SLC38A6: variants seen among roughly 807,000 people sequenced by gnomAD.
SLC38A6 encodes the protein solute carrier family 38 member 6, also known as N system amino acid transporter NAT-1.
Under a neutral mutation model 65.0 loss-of-function variants are expected in SLC38A6, and 73 were observed. The ratio of observed to expected loss-of-function variants is 1.12; its 90% CI spans 0.93 to 1.37. The LOEUF (loss-of-function observed/expected upper bound fraction) is 1.37. SLC38A6 is among the 40% of genes most tolerant of loss of function. SLC38A6 has a pLI of 0.00. For missense variants in SLC38A6, 561 were observed against 531.1 expected (o/e 1.06, Z -0.55); for synonymous variants, 183 against 178.8 (o/e 1.02, Z -0.19).
At position 61,043,218 on chromosome 14, in the gene SLC38A6, A is replaced by G. The variant is rs751291664; in HGVS notation, c.690+6A>G. 2.1e-6 allele frequency: 3 copies of G among 1,455,096 alleles called. No homozygotes were observed. The highest frequency in any genetic ancestry group is 2.8e-6 in the Non-Finnish European group (3 of 1,062,670). 90.1% of individuals were successfully genotyped at this position (1,455,096 alleles called of 1,614,324 possible). A position where few individuals can be genotyped will look rare whatever the true frequency, so the allele number is the denominator to read the frequency against. On this transcript the variant is annotated splice_donor_region_variant and intron_variant, in intron 9 of 15. Coordinates refer to ENST00000267488, the MANE Select transcript of SLC38A6 (RefSeq NM_153811.3). ...ATGTAGAGAAAGGTTTCCAGGTAATAGCTTATATTTTCTTTTCAGTTTCTT... is the reference window on the plus strand; with the variant it reads ...ATGTAGAGAAAGGTTTCCAGGTAATGGCTTATATTTTCTTTTCAGTTTCTT...
chr14:61,048,500 T>C (rs1594744612), intron 12 of SLC38A6, among the ~76,000 whole-genome samples: 1 of 152,154 alleles, frequency 6.6e-6, no homozygotes, highest in South Asian at 2.1e-4. Context: ...CACCACTCTA[T>C]CCCTCACATA....
rs1483677070 is a variant in SLC38A6 at position 61,070,910 on chromosome 14, AGTT to A, written c.1291-7894_1291-7892del. ...TTAAAATTTAATTTTTTTGTTACTG[AGTT>A]GTTGTAGTTCCTTCTATATTTTGTA... On this transcript the variant is annotated intron_variant, in intron 15 of 16. Transcript: ENST00000354886. 2.0e-4 allele frequency among the ~76,000 whole-genome samples: 30 copies of A among 151,988 alleles called. 1 individual carries two copies. The highest frequency in any genetic ancestry group is 6.8e-3 in the Middle Eastern group (2 of 294).
chr14:61,006,987 G>T (rs1044358133), intron 3 of SLC38A6, among the ~76,000 whole-genome samples: 3 of 152,150 alleles, frequency 2.0e-5, no homozygotes, highest in African/African-American at 7.2e-5. Context: ...GGAATACTAT[G>T]CAGCCATAAA....
chr14:61,046,273 C>A, intron 12 of SLC38A6, 106 bp downstream of exon 12: 1 of 694,088 alleles, frequency 1.4e-6, no homozygotes, highest in Non-Finnish European at 2.4e-6. Context: ...TTAATTTGCT[C>A]AGATCACCAA....
Position 61,030,533 on chromosome 14 carries a change from A to T in SLC38A6, c.482+10A>T. The T allele has an allele frequency of 6.4e-7, 1 of 1,568,282 alleles. No homozygotes were observed. The highest frequency in any genetic ancestry group is 8.7e-7 in the Non-Finnish European group (1 of 1,143,524). On this transcript the variant is annotated intron_variant, in intron 6 of 15. Transcript: ENST00000267488. ...CTGGAGACTATAGTAGGTAAGAAAAAGTATTTTACATTGTGTCCGTTCATG... is the reference window on the plus strand; with the variant it reads ...CTGGAGACTATAGTAGGTAAGAAAATGTATTTTACATTGTGTCCGTTCATG...
chr14:61,075,467 A>T (rs2043367785), intron 15 of SLC38A6, among the ~76,000 whole-genome samples: 1 of 152,168 alleles, frequency 6.6e-6, no homozygotes, highest in South Asian at 2.1e-4. Context: ...CGATCCTCAT[A>T]TGAGGGATGT....
intron 3 of SLC38A6, among the ~76,000 whole-genome samples, chr14:60,988,546 A>C (rs998576848): frequency 6.6e-6 from 1 of 152,080 alleles, no homozygotes; most frequent in Non-Finnish European, 1.5e-5. Context: ...ATTTTCTCCT[A>C]TGGTCATACC....
intron 4 of SLC38A6, among the ~76,000 whole-genome samples, 200 bp downstream of exon 4, chr14:61,016,156 A>G (rs2039996710): frequency 6.6e-6 from 1 of 152,218 alleles, no homozygotes; most frequent in African/African-American, 2.4e-5. Context: ...CAATACATTT[A>G]ATTCAATGCT....
chr14:61,054,025 T>C (rs752500105), downstream of SLC38A6, among the ~76,000 whole-genome samples: 10 of 152,182 alleles, frequency 6.6e-5, no homozygotes, highest in Non-Finnish European at 1.2e-4. Flanking sequence ...TTTAAGTCTT[T>C]AATCCATCTT....
At chr14:61,024,571 A>G (rs902750630) in intron 5 of SLC38A6, among the ~76,000 whole-genome samples, 4 of 152,256 alleles carry the variant, frequency 2.6e-5, no homozygotes. Context: ...ATAAAAGATT[A>G]ATAACTGTAG....
At chr14:61,016,887 C>G (rs1195348189) in intron 4 of SLC38A6, among the ~76,000 whole-genome samples, 1 of 152,152 alleles carries the variant, frequency 6.6e-6, no homozygotes, top group Non-Finnish European at 1.5e-5. Flanking sequence ...CATTACTTCA[C>G]ATACTTACCA....
intron 15 of SLC38A6, among the ~76,000 whole-genome samples, chr14:61,075,349 G>A (rs2043363885): frequency 6.6e-6 from 1 of 152,128 alleles, no homozygotes; most frequent in Admixed American, 6.5e-5. Flanking sequence ...CTATCCAGGT[G>A]ATCCAGAAAC....
chr14:60,987,961 A>G (rs2037577835), intron 3 of SLC38A6, among the ~76,000 whole-genome samples: 1 of 152,118 alleles, frequency 6.6e-6, no homozygotes, highest in Non-Finnish European at 1.5e-5. Context: ...GTTATCTTTC[A>G]TTTCTCAGAC....
intron 15 of SLC38A6, among the ~76,000 whole-genome samples, chr14:61,065,092 A>C (rs547176410): frequency 6.6e-6 from 1 of 152,214 alleles, no homozygotes; most frequent in East Asian, 1.9e-4. Flanking sequence ...TTAAACACCC[A>C]AGGTCTGGAA....
At chr14:61,024,182 A>G (rs1210208449) in intron 5 of SLC38A6, among the ~76,000 whole-genome samples, 3 of 152,236 alleles carry the variant, frequency 2.0e-5, no homozygotes, top group Non-Finnish European at 4.4e-5. Context: ...GTGGTCTGAC[A>G]AATTGATTGA....
intron 16 of SLC38A6, chr14:61,083,442 C>T (rs2043735489): frequency 6.9e-7 from 1 of 1,441,686 alleles, no homozygotes; most frequent in African/African-American, 1.4e-5. Flanking sequence ...GCCCCAATCC[C>T]CAGGACCTCA....
At chr14:61,079,133 C>CTTTTTTTTTTTTTTTTTTTTTTT (rs34713691) in intron 16 of SLC38A6, among the ~76,000 whole-genome samples, 1 of 93,902 alleles carries the variant, frequency 1.1e-5, no homozygotes, top group African/African-American at 4.7e-5. Flanking sequence ...TGCCTCCAAA[C>CTTTTTTTTTTTTTTTTTTTTTTT]TTTTTTTTTT....
At chr14:61,034,810 C>T (rs1484387327) in intron 6 of SLC38A6, among the ~76,000 whole-genome samples, 1 of 152,098 alleles carries the variant, frequency 6.6e-6, no homozygotes, top group Non-Finnish European at 1.5e-5. Flanking sequence ...AATACTTATG[C>T]ATAGGTTATA....
intron 5 of SLC38A6, among the ~76,000 whole-genome samples, chr14:61,028,740 A>G (rs956403267): frequency 6.6e-6 from 1 of 152,204 alleles, no homozygotes; most frequent in Non-Finnish European, 1.5e-5. Context: ...ATGTATATGT[A>G]TATTTTCATC....
Sources: gnomAD v4.1 joint callset for allele counts (sites outside exome capture counted in the v4.1 genomes callset) on GRCh38, gnomAD v4.1.1 for gene constraint, MANE v1.5 for transcripts, NCBI Gene and HGNC (gene_info 2026-07-23, HGNC 2026-07-21) for gene names.